Variants in C11orf65 observed in about 807,000 individuals in gnomAD.
C11orf65 encodes the protein chromosome 11 open reading frame 65, also known as protein MFI.
C11orf65 carries 38 observed loss-of-function variants against 35.3 expected under a neutral mutation model. The observed-to-expected ratio is 1.08, with a 90% CI of 0.83 to 1.41. The LOEUF (loss-of-function observed/expected upper bound fraction) is 1.41. Ranked by LOEUF, C11orf65 falls within the 40% of genes most tolerant of loss-of-function variation. The probability of loss-of-function intolerance (pLI) is 0.00; values close to 1 mark genes in which losing one functional copy is unlikely to be tolerated. For missense variants in C11orf65, 370 were observed against 367.1 expected (o/e 1.01, Z -0.06); for synonymous variants, 105 against 114.4 (o/e 0.92, Z 0.53).
Position 108,308,974 on chromosome 11 carries a change from C to T in C11orf65, c.738G>A (p.Trp246Ter). The change falls in exon 7 of 7, where the codon TGG (tryptophan) becomes TGA (stop). Residue 246 changes from tryptophan (W) to a stop codon, truncating the protein, a stop_gained. Coordinates refer to the C11orf65 transcript ENST00000525729. LOFTEE classifies it high-confidence loss of function. ...CTTTGAGTCATTCATTTCAGACTTA[C>T]CATTGGGGTAGAATGGTGTTGACAT... is the stretch of plus-strand genomic sequence containing the variant. The T allele has an allele frequency of 6.6e-7, 1 of 1,514,048 alleles. No individual in the cohort carries two copies. The highest frequency in any genetic ancestry group is 8.9e-7 in the Non-Finnish European group (1 of 1,127,576). The allele number at this position is 1,514,048 out of a possible 1,614,324, so 93.8% of individuals were successfully genotyped here.
At chr11:108,392,493 G>C (rs1591448924) in intron 7 of C11orf65, among the ~76,000 whole-genome samples, 1 of 152,144 alleles carries the variant, frequency 6.6e-6, no homozygotes, top group South Asian at 2.1e-4. Context: ...TTTTTGTGTA[G>C]ACATGTATTT....
rs587781324 is a variant in C11orf65 at position 108,332,905 on chromosome 11, G to GT, written c.300-1339dup. 7.0e-5 allele frequency: 113 copies of GT among 1,610,190 alleles called. No individual in the cohort carries two copies. The highest frequency in any genetic ancestry group is 1.7e-4 in the Middle Eastern group (1 of 6,010). Reference sequence around the variant, plus strand: ...CTCAGTGGAAGACTCAGAGAAGTATGTTTTTTTTAAAGAAGAAACGTTACT... The same window carrying GT: ...CTCAGTGGAAGACTCAGAGAAGTATGTTTTTTTTTAAAGAAGAAACGTTACT... On this transcript the variant is annotated intron_variant, in intron 3 of 3. Coordinates refer to the C11orf65 transcript ENST00000524755.
intron 2 of C11orf65, among the ~76,000 whole-genome samples, chr11:108,356,819 C>T (rs1018312886): frequency 1.3e-5 from 2 of 152,148 alleles, no homozygotes; most frequent in Non-Finnish European, 2.9e-5. Context: ...TGACAGTGGC[C>T]AGATCCTTTG....
rs895523012 is a variant in C11orf65, at chr11:108,451,001, C to T, written c.81+10478G>A. Among the ~76,000 whole-genome samples the T allele has an allele frequency of 2.6e-5, 4 of 151,962 alleles. No homozygotes were observed. The East Asian group carries it at 5.8e-4, about 22-fold the overall frequency. On this transcript the variant is annotated intron_variant, in intron 2 of 8. Transcript: ENST00000393084. ...CTCAATAAACTAGGTACTGATGGGA[C>T]GTGTTTCAAAATAATAACAGCTATT... is the stretch of plus-strand genomic sequence containing the variant.
intron 2 of C11orf65, among the ~76,000 whole-genome samples, chr11:108,357,791 C>CTGTA (rs1261527238): frequency 9.2e-5 from 14 of 152,204 alleles, no homozygotes; most frequent in Admixed American, 7.8e-4. Flanking sequence ...AAAAACCCAT[C>CTGTA]TGTACATCAC....
intron 2 of C11orf65, among the ~76,000 whole-genome samples, chr11:108,460,350 T>C (rs1212637379): frequency 6.6e-6 from 1 of 152,156 alleles, no homozygotes; most frequent in Non-Finnish European, 1.5e-5. Flanking sequence ...TGAGGTCATT[T>C]TACCTCTTGG....
intron 6 of C11orf65, chr11:108,326,323 T>G: frequency 7.1e-7 from 1 of 1,417,530 alleles, no homozygotes; most frequent in Non-Finnish European, 9.6e-7. Context: ...ATTAGAGCCT[T>G]GAAATTAGTA....
downstream of C11orf65, among the ~76,000 whole-genome samples, chr11:108,379,813 A>C (rs995888639): frequency 1.3e-5 from 2 of 151,964 alleles, no homozygotes; most frequent in Admixed American, 6.6e-5. Flanking sequence ...CTTACTCCTC[A>C]AGCAGGACTT....
intron 6 of C11orf65, among the ~76,000 whole-genome samples, chr11:108,398,327 A>G (rs2138516944): frequency 6.6e-6 from 1 of 152,330 alleles, no homozygotes; most frequent in Non-Finnish European, 1.5e-5. Flanking sequence ...GACAGATTAC[A>G]TGTAGGCACT....
At chr11:108,415,279 T>C (rs575507765) in intron 3 of C11orf65, among the ~76,000 whole-genome samples, 5 of 152,282 alleles carry the variant, frequency 3.3e-5, no homozygotes, top group African/African-American at 1.2e-4. Context: ...ACAAGGTTAA[T>C]ATACTAATCA....
chr11:108,452,051 C>T (rs1322062462), intron 2 of C11orf65, among the ~76,000 whole-genome samples: 1 of 151,984 alleles, frequency 6.6e-6, no homozygotes, highest in Non-Finnish European at 1.5e-5. Context: ...CCATAAAAAC[C>T]CTAGAAGAAA....
chr11:108,317,674 C>CACACACACACAA (rs1348508969), intron 6 of C11orf65, among the ~76,000 whole-genome samples: 1 of 129,300 alleles, frequency 7.7e-6, no homozygotes, highest in African/African-American at 3.0e-5. Context: ...CACACACACA[C>CACACACACACAA]TATATATATA....
chr11:108,337,770 T>C (rs906889019), intron 2 of C11orf65, among the ~76,000 whole-genome samples: 16 of 152,362 alleles, frequency 1.1e-4, no homozygotes, highest in South Asian at 2.1e-4. Flanking sequence ...AAGGAAATTG[T>C]TTATGCTCTA....
intron 2 of C11orf65, among the ~76,000 whole-genome samples, chr11:108,461,197 T>C (rs1205075097): frequency 6.6e-6 from 1 of 151,930 alleles, no homozygotes; most frequent in Non-Finnish European, 1.5e-5. Flanking sequence ...AAGTCAGGAG[T>C]TCGGGACCAG....
chr11:108,407,931 C>CAA (rs1215650401), intron 3 of C11orf65, among the ~76,000 whole-genome samples: 2 of 22,624 alleles, frequency 8.8e-5, no homozygotes, highest in South Asian at 2.0e-3. Flanking sequence ...GACTCTGTCT[C>CAA]AAAAAAAAAA....
rs556778314 is a variant in C11orf65, at chr11:108,326,225, G to A, written c.641-17154C>T. 3.6e-5 allele frequency: 58 copies of A among 1,613,700 alleles called. No homozygotes were observed. Among genetic ancestry groups the A allele is most frequent in the Admixed American group, 1.5e-4 (9 of 59,976 alleles). On this transcript the variant is annotated intron_variant, in intron 6 of 6. Coordinates refer to the C11orf65 transcript ENST00000525729. ...AGAAGTTGGATGCCAGCTGTGCAGC[G>A]GTTTGTTTTTTTTATTGGCTGGATT... is the stretch of plus-strand genomic sequence containing the variant.
chr11:108,407,931 CAAAA>C (rs1215650401), intron 3 of C11orf65, among the ~76,000 whole-genome samples: 4 of 22,666 alleles, frequency 1.8e-4, no homozygotes, highest in African/African-American at 5.0e-4. Context: ...GACTCTGTCT[CAAAA>C]AAAAAAAAAA....
At chr11:108,339,434 G>A (rs567754539) in intron 2 of C11orf65, among the ~76,000 whole-genome samples, 1 of 151,906 alleles carries the variant, frequency 6.6e-6, no homozygotes, top group African/African-American at 2.4e-5. Context: ...GACATTCACT[G>A]AATATAATGA....
chr11:108,326,192 A>C lies in C11orf65; in HGVS notation c.641-17121T>G, dbSNP rs764859160. The stretch of plus-strand genomic sequence containing the variant: ...GTCTTGCCCTGAGTATTCTCAAGCA[A>C]ATGATCAAGAAGTTGGATGCCAGCT... On this transcript the variant is annotated intron_variant, in intron 6 of 6. Coordinates refer to the C11orf65 transcript ENST00000525729. The C allele has an allele frequency of 6.2e-7, 1 of 1,614,022 alleles. No individual in the cohort carries two copies. Among genetic ancestry groups the C allele is most frequent in the African/African-American group, 1.3e-5 (1 of 74,910 alleles).
Sources: gnomAD v4.1 joint callset for allele counts (sites outside exome capture counted in the v4.1 genomes callset) on GRCh38, gnomAD v4.1.1 for gene constraint, MANE v1.5 for transcripts, NCBI Gene and HGNC (gene_info 2026-07-23, HGNC 2026-07-21) for gene names.